The following KMT2C variants were observed in gnomAD, a reference collection of about 807,000 sequenced individuals.
KMT2C encodes the protein histone-lysine N-methyltransferase 2C.
In KMT2C, 88 loss-of-function variants were observed where a neutral mutation model predicts 507.9. The ratio of observed to expected loss-of-function variants is 0.17; its 90% CI spans 0.15 to 0.21. The LOEUF (loss-of-function observed/expected upper bound fraction) is 0.21. Among genes scored for constraint, KMT2C ranks in the 10% least tolerant of loss-of-function variants. The pLI, the probability that KMT2C is intolerant of heterozygous loss-of-function variation, is 1.00. For synonymous variants in KMT2C, 2,049 were observed against 2,080.8 expected (o/e 0.98, Z 0.42); for missense variants, 4,954 against 5,957.8 (o/e 0.83, Z 5.55).
At chr7:152,349,177 G>A (rs2097089758) in intron 2 of KMT2C, among the ~76,000 whole-genome samples, 1 of 152,202 alleles carries the variant, frequency 6.6e-6, no homozygotes, top group Non-Finnish European at 1.5e-5. Context: ...TGGGCGCGGT[G>A]ACTCACGCCT....
intron 27 of KMT2C, among the ~76,000 whole-genome samples, chr7:152,198,328 G>A (rs886942166): frequency 6.6e-6 from 1 of 152,136 alleles, no homozygotes; most frequent in African/African-American, 2.4e-5. Context: ...ATAGTTGTCA[G>A]TATTTCAATT....
At chr7:152,264,972 T>G (rs2095839264) in intron 8 of KMT2C, 66 bp downstream of exon 8, 30 of 1,564,466 alleles carry the variant, frequency 1.9e-5, no homozygotes, top group Non-Finnish European at 2.5e-5. Flanking sequence ...ACACAAACCT[T>G]TAGCACCTAG....
intron 2 of KMT2C, among the ~76,000 whole-genome samples, chr7:152,348,619 A>AAG (rs1369453287): frequency 6.7e-6 from 1 of 149,920 alleles, no homozygotes; most frequent in Non-Finnish European, 1.5e-5. Flanking sequence ...AAAAAAAAAA[A>AAG]AAAAAGAAAG....
At chr7:152,385,350 C>T (rs2097415250) in intron 1 of KMT2C, among the ~76,000 whole-genome samples, 1 of 122,728 alleles carries the variant, frequency 8.1e-6, no homozygotes, top group South Asian at 2.4e-4. Flanking sequence ...CGGTGGCTCA[C>T]GCCTGTAATC....
At chr7:152,430,083 C>T (rs1671583870) in intron 1 of KMT2C, among the ~76,000 whole-genome samples, 1 of 150,774 alleles carries the variant, frequency 6.6e-6, no homozygotes, top group African/African-American at 2.4e-5. Flanking sequence ...GAGGCTGAGT[C>T]AGGCGAATCG....
intron 1 of KMT2C, among the ~76,000 whole-genome samples, chr7:152,422,763 C>T (rs981862543): frequency 6.6e-6 from 1 of 152,150 alleles, no homozygotes; most frequent in African/African-American, 2.4e-5. Context: ...GTGGCTCACG[C>T]CTGTAATCTC....
At chr7:152,241,864 T>G (rs1277950552) in intron 14 of KMT2C, among the ~76,000 whole-genome samples, 1 of 152,220 alleles carries the variant, frequency 6.6e-6, no homozygotes, top group Non-Finnish European at 1.5e-5. Flanking sequence ...AGTAAGAATT[T>G]TCTGGTAATT....
intron 1 of KMT2C, among the ~76,000 whole-genome samples, chr7:152,366,585 C>CT (rs1349668351): frequency 6.6e-5 from 10 of 151,956 alleles, no homozygotes; most frequent in African/African-American, 1.7e-4. Context: ...TTGCCAGAGG[C>CT]TGAGAGAAGG....
rs1158940461 is a variant in KMT2C, at chr7:152,182,288, C to A, written c.5572G>T (p.Ala1858Ser). 1.9e-6 allele frequency: 3 copies of A among 1,613,990 alleles called. No individual in the cohort carries two copies. The African/African-American group carries it at 4.0e-5, about 22-fold the overall frequency. The change falls in exon 36 of 59, where the codon GCC (alanine) becomes TCC (serine). Residue 1858 changes from alanine to serine, a missense_variant. Ala to Ser is a moderately conservative substitution (Grantham distance 99). This residue lies in a region of KMT2C where 1,689 missense variants were observed against 1,654.3 expected (regional missense o/e 1.02). Coordinates refer to ENST00000262189, the MANE Select transcript of KMT2C (RefSeq NM_170606.3). Reference sequence around the variant, plus strand: ...TCCTGGATGGGAATCCGGGATGGGGCTGGAGGAGGAGGTGGAGCTTGTGGC... The same window carrying A: ...TCCTGGATGGGAATCCGGGATGGGGATGGAGGAGGAGGTGGAGCTTGTGGC... ...VKPQAPPPPPAPSRIPIQDSL... is the reference protein window; with the variant it reads ...VKPQAPPPPPSPSRIPIQDSL...
Position 152,205,161 on chromosome 7 carries a change from C to T in KMT2C, c.3906G>A (p.Val1302=), listed in dbSNP as rs1313934714. 5 of 1,611,130 alleles carry T rather than the reference C, an allele frequency of 3.1e-6. No homozygotes were observed. In the African/African-American group the frequency reaches 5.3e-5, roughly 17 times the overall value. Residue 1302 remains valine (V), a synonymous_variant, in exon 25 of 59, where the codon GTG becomes GTA. Transcript: ENST00000262189. The part of the protein sequence containing the change: ...RTGQGKTKRS[V]IRKDSSGSIS... ...TAGAGCCTGAGGAATCTTTTCTGAT[C>T]ACAGATCTTTTGGTTTTCCCTTGCC...
At chr7:152,367,756 G>A (rs2097259361) in intron 1 of KMT2C, 7 of 1,042,950 alleles carry the variant, frequency 6.7e-6, no homozygotes, top group African/African-American at 1.6e-5. Context: ...TACATTGATA[G>A]TAAATCTGAG....
chr7:152,153,951 C>G, intron 48 of KMT2C, 59 bp downstream of exon 48: 1 of 1,540,146 alleles, frequency 6.5e-7, no homozygotes, highest in Non-Finnish European at 8.9e-7. Context: ...AGACACCTGA[C>G]CCATCTTTGA....
At chr7:152,275,609 TAA>T (rs982333192) in intron 6 of KMT2C, among the ~76,000 whole-genome samples, 2 of 152,190 alleles carry the variant, frequency 1.3e-5, no homozygotes, top group African/African-American at 2.4e-5. Flanking sequence ...TCTTCATTGA[TAA>T]AGTGTAATAA....
At chr7:152,199,600 T>C in intron 26 of KMT2C, 141 bp from the exon 27 acceptor site, 1 of 434,580 alleles carries the variant, frequency 2.3e-6, no homozygotes, top group Non-Finnish European at 4.0e-6. Context: ...TACAGAAGTA[T>C]TAAAAAATAG....
chr7:152,203,021 A>G lies in KMT2C; in HGVS notation c.4005T>C (p.Val1335=), dbSNP rs1408511010. ...QLPDTLVDES[V]SVTESTEKIK... is the part of the protein sequence containing the mutation. ...TTTTTTCAGTGCTTTCAGTAACAGA[A>G]ACAGATTCATCAACTAAAGTATCTG... is the stretch of plus-strand genomic sequence containing the variant. The change falls in exon 26 of 59, where the codon GTT becomes GTC. Residue 1335 remains valine, a synonymous_variant. Transcript: ENST00000262189. 1 of 1,611,494 alleles carries G rather than the reference A, an allele frequency of 6.2e-7. No individual in the cohort carries two copies. The highest frequency in any genetic ancestry group is 1.3e-5 in the African/African-American group (1 of 74,942).
intron 15 of KMT2C, among the ~76,000 whole-genome samples, chr7:152,237,189 A>G (rs1490580869): frequency 6.6e-6 from 1 of 152,238 alleles, no homozygotes; most frequent in Non-Finnish European, 1.5e-5. Context: ...GTTAAGTTAA[A>G]TAATATGTCA....
chr7:152,277,885 A>G (rs2096114101), intron 6 of KMT2C, among the ~76,000 whole-genome samples: 1 of 152,244 alleles, frequency 6.6e-6, no homozygotes, highest in South Asian at 2.1e-4. Context: ...TAAATTCTCT[A>G]GTAAAAGATA....
intron 9 of KMT2C, among the ~76,000 whole-genome samples, chr7:152,262,099 G>A (rs2095790801): frequency 1.3e-5 from 2 of 152,110 alleles, no homozygotes; most frequent in Admixed American, 6.5e-5. Flanking sequence ...CCTCACTGGC[G>A]AGGACAGGGT....
rs534592021 is a variant in KMT2C, at chr7:152,252,652, T to G, written c.1363A>C (p.Ile455Leu). 6 of 1,613,416 alleles carry G rather than the reference T, an allele frequency of 3.7e-6. No homozygotes were observed. Among genetic ancestry groups the G allele is most frequent in the Non-Finnish European group, 5.1e-6 (6 of 1,179,562 alleles). ...SSSQWHHNCL[I>L]CDNCYQQQDN... is the part of the protein sequence containing the mutation. ...TGCTGTTGGTAACAATTGTCACATA[T>G]CAGGCAATTGTGGTGCCACTGAGAA... Residue 455 changes from isoleucine (I) to leucine (L), a missense_variant, in exon 10 of 59, where the codon ATA (isoleucine) becomes CTA (leucine). Ile to Leu is a conservative substitution (Grantham distance 5). Coordinates refer to ENST00000262189, the MANE Select transcript of KMT2C (RefSeq NM_170606.3).
Sources: gnomAD v4.1 joint callset for allele counts (sites outside exome capture counted in the v4.1 genomes callset) on GRCh38, gnomAD v4.1.1 for gene constraint, gnomAD v4.1.1 regional missense constraint, MANE v1.5 for transcripts, NCBI Gene and HGNC (gene_info 2026-07-23, HGNC 2026-07-21) for gene names.